Variants in ANKS1B observed in about 807,000 individuals in gnomAD.
ANKS1B encodes ankyrin repeat and sterile alpha motif domain-containing protein 1B.
A neutral mutation model predicts 148.3 loss-of-function variants in ANKS1B; 36 were observed. The observed-to-expected ratio is 0.24, with a 90% confidence interval of 0.19 to 0.32. ANKS1B has a LOEUF of 0.32. ANKS1B is among the 10% of genes least tolerant of loss of function. The pLI, the probability that ANKS1B is intolerant of heterozygous loss-of-function variation, is 1.00. For synonymous variants in ANKS1B, 542 were observed against 560.8 expected, an observed-to-expected ratio of 0.97 and a Z score of 0.47; for missense variants, 1,157 against 1,542.6, an observed-to-expected ratio of 0.75 and a Z score of 4.19.
chr12:99,752,462 C>T (rs990175619), intron 8 of ANKS1B, among the ~76,000 whole-genome samples: 7 of 151,354 alleles, frequency 4.6e-5, no homozygotes, highest in African/African-American at 1.5e-4. Flanking sequence ...GTAGCTAGTA[C>T]GTAATATAGG....
intron 12 of ANKS1B, among the ~76,000 whole-genome samples, chr12:99,288,020 T>C (rs949712993): frequency 6.6e-6 from 1 of 151,822 alleles, no homozygotes; most frequent in Non-Finnish European, 1.5e-5. Context: ...TAAAAGAAAA[T>C]TTTCCAAATC....
intron 15 of ANKS1B, among the ~76,000 whole-genome samples, chr12:99,141,486 T>A (rs1292789498): frequency 6.6e-6 from 1 of 151,814 alleles, no homozygotes; most frequent in Admixed American, 6.6e-5. Context: ...CATAGGTAAA[T>A]GTATGTCTTG....
intron 12 of ANKS1B, among the ~76,000 whole-genome samples, chr12:99,347,713 A>G (rs868697250): frequency 3.9e-5 from 6 of 152,194 alleles, no homozygotes; most frequent in Middle Eastern, 3.4e-3. Context: ...ACAAGTAGCA[A>G]TAACAAAAAC....
intron 9 of ANKS1B, among the ~76,000 whole-genome samples, chr12:99,603,711 T>C (rs2097825807): frequency 6.6e-6 from 1 of 152,152 alleles, no homozygotes; most frequent in Admixed American, 6.6e-5. Flanking sequence ...TACAAAGTTA[T>C]ACTTTACCAA....
intron 17 of ANKS1B, among the ~76,000 whole-genome samples, chr12:98,869,682 T>TGTACATACACACATACACAC (rs71081887): frequency 6.6e-5 from 10 of 151,516 alleles, no homozygotes; most frequent in Non-Finnish European, 1.3e-4. Context: ...GTGGAATGCA[T>TGTACATACACACATACACAC]ACATATGTAT....
chr12:99,128,741 A>AG (rs1467129212), intron 15 of ANKS1B, among the ~76,000 whole-genome samples: 1 of 152,222 alleles, frequency 6.6e-6, no homozygotes, highest in African/African-American at 2.4e-5. Flanking sequence ...GAAGTAATCC[A>AG]ATCCTGTCAC....
chr12:99,247,919 A>G (rs2074072142), intron 12 of ANKS1B, among the ~76,000 whole-genome samples: 1 of 152,220 alleles, frequency 6.6e-6, no homozygotes, highest in Non-Finnish European at 1.5e-5. Flanking sequence ...AATGACAACA[A>G]ATCCAAAGTT....
chr12:99,915,150 G>A (rs11110126), intron 1 of ANKS1B, among the ~76,000 whole-genome samples: 13,160 of 150,592 alleles, frequency 0.087, 674 homozygotes, highest in Non-Finnish European at 0.11. Context: ...ACTTGAACTC[G>A]CGAGGCGGAG....
At position 99,789,557 on chromosome 12, in the gene ANKS1B, A is replaced by G. The variant is rs184686672; in HGVS notation, c.670-7460T>C. Among the ~76,000 whole-genome samples the G allele has an allele frequency of 7.9e-4, 121 of 152,358 alleles. 3 individuals are homozygous for G. Among genetic ancestry groups the G allele is most frequent in the Admixed American group, 7.0e-3 (107 of 15,304 alleles). On this transcript the variant is annotated intron_variant, in intron 4 of 26. Transcript: ENST00000683438. Reference sequence around the variant, plus strand: ...TTGAGGAAACTCAAAGAAATTCAAGATAACACAGAGAAGGAATTCAGAATT... The same window carrying G: ...TTGAGGAAACTCAAAGAAATTCAAGGTAACACAGAGAAGGAATTCAGAATT...
chr12:98,950,940 T>C (rs1481614341), intron 17 of ANKS1B, among the ~76,000 whole-genome samples: 1 of 152,140 alleles, frequency 6.6e-6, no homozygotes, highest in Non-Finnish European at 1.5e-5. Flanking sequence ...CTTCTAATAG[T>C]ACTTCTAGAA....
chr12:99,352,702 T>G (rs1286761099), intron 12 of ANKS1B, among the ~76,000 whole-genome samples: 2 of 151,890 alleles, frequency 1.3e-5, no homozygotes, highest in Non-Finnish European at 2.9e-5. Context: ...ATCACACCAT[T>G]TATAAAAACC....
chr12:99,679,621 T>C (rs549950668), intron 8 of ANKS1B, among the ~76,000 whole-genome samples: 2 of 152,176 alleles, frequency 1.3e-5, no homozygotes, highest in South Asian at 2.1e-4. Context: ...AACTCTAACA[T>C]TGAACTGGAA....
chr12:99,892,561 A>G lies in ANKS1B; in HGVS notation c.135-67172T>C, dbSNP rs78406609. ...GCCAAGAAAACAACCTGATTTACACAACAAAAATCTTCAAAGGGTTTAGGA... is the reference window on the plus strand; with the variant it reads ...GCCAAGAAAACAACCTGATTTACACGACAAAAATCTTCAAAGGGTTTAGGA... On this transcript the variant is annotated intron_variant, in intron 1 of 26. Coordinates refer to ENST00000683438, the MANE Select transcript of ANKS1B (RefSeq NM_001352186.2). Among the ~76,000 whole-genome samples the G allele has an allele frequency of 6.8e-3, 1,042 of 152,344 alleles. 17 individuals are homozygous for G. Among genetic ancestry groups the G allele is most frequent in the African/African-American group, 0.024 (987 of 41,568 alleles).
chr12:98,803,820 C>T (rs2099026860), intron 20 of ANKS1B, among the ~76,000 whole-genome samples: 1 of 152,176 alleles, frequency 6.6e-6, no homozygotes, highest in Non-Finnish European at 1.5e-5. Context: ...TCCATTAACT[C>T]ACACACTTTT....
chr12:99,483,480 T>C (rs1055323625), intron 10 of ANKS1B, among the ~76,000 whole-genome samples: 1 of 151,876 alleles, frequency 6.6e-6, no homozygotes, highest in African/African-American at 2.4e-5. Flanking sequence ...GTGTCCTTCC[T>C]GGTTTGGGCA....
chr12:99,646,182 A>AT lies in ANKS1B; in HGVS notation c.1272+8884dup, dbSNP rs754422620. Among the ~76,000 whole-genome samples, 79 of 152,334 alleles carry AT rather than the reference A, an allele frequency of 5.2e-4. 1 individual carries two copies. The highest frequency in any genetic ancestry group is 1.0e-3 in the Non-Finnish European group (68 of 68,024). On this transcript the variant is annotated intron_variant, in intron 9 of 26. Transcript: ENST00000683438. ...GTTTCTTGGTTTTGCCAATTACAAG[A>AT]TAAGTAACATAGACTTGAAGTGGAA...
At chr12:99,279,556 A>G (rs908610179) in intron 12 of ANKS1B, among the ~76,000 whole-genome samples, 4 of 152,248 alleles carry the variant, frequency 2.6e-5, no homozygotes, top group East Asian at 1.9e-4. Flanking sequence ...AAATGGAAGC[A>G]TGCAATCTGT....
intron 19 of ANKS1B, among the ~76,000 whole-genome samples, chr12:98,813,213 G>GTTT (rs759520050): frequency 8.4e-5 from 12 of 143,210 alleles, no homozygotes; most frequent in Non-Finnish European, 1.5e-4. Context: ...AAGTTTTTTT[G>GTTT]TTTTTTTTTT....
rs1002857323 is a variant in ANKS1B at position 99,797,234 on chromosome 12, T to C, written c.669+9170A>G. On this transcript the variant is annotated intron_variant, in intron 4 of 26. Transcript: ENST00000683438. ...TTTTGCCAAGGTGTAAAGTAAGATT[T>C]AAAAAAAAATCAAGTGCCTTGTGGC... Among the ~76,000 whole-genome samples, 3 of 151,522 alleles carry C rather than the reference T, an allele frequency of 2.0e-5. No individual in the cohort carries two copies. In the Admixed American group the frequency reaches 2.0e-4, roughly 10 times the overall value.
Sources: gnomAD v4.1 joint callset for allele counts (sites outside exome capture counted in the v4.1 genomes callset) on GRCh38, gnomAD v4.1.1 for gene constraint, MANE v1.5 for transcripts, NCBI Gene and HGNC (gene_info 2026-07-23, HGNC 2026-07-21) for gene names.